The following AP2B1 variants were observed in gnomAD, a reference collection of about 807,000 sequenced individuals.
The protein encoded by AP2B1 is AP-2 complex subunit beta.
In AP2B1, 23 loss-of-function variants were observed where a neutral mutation model predicts 102.0. The ratio of observed to expected loss-of-function variants is 0.23; its 90% CI spans 0.16 to 0.32. The LOEUF (loss-of-function observed/expected upper bound fraction) is 0.32. Among genes scored for constraint, AP2B1 ranks in the 10% least tolerant of loss-of-function variants. AP2B1 has a pLI of 1.00. For synonymous variants in AP2B1, 381 were observed against 421.2 expected (o/e 0.90, Z 1.17); for missense variants, 541 against 1,157.4 (o/e 0.47, Z 7.73).
chr17:35,655,977 A>G (rs1324348480), intron 13 of AP2B1, among the ~76,000 whole-genome samples: 1 of 152,184 alleles, frequency 6.6e-6, no homozygotes, highest in Admixed American at 6.5e-5. Flanking sequence ...ATTTGTAGGA[A>G]TTCCTTATAT....
At chr17:35,640,324 C>T (rs2074742657) in intron 11 of AP2B1, among the ~76,000 whole-genome samples, 1 of 151,334 alleles carries the variant, frequency 6.6e-6, no homozygotes, top group South Asian at 2.1e-4. Flanking sequence ...GCAACCTCTG[C>T]CTCCTAGGTT....
chr17:35,717,653 G>A (rs1354275110), intron 21 of AP2B1, among the ~76,000 whole-genome samples: 1 of 152,128 alleles, frequency 6.6e-6, no homozygotes, highest in Non-Finnish European at 1.5e-5. Flanking sequence ...TACATATCTA[G>A]TGTATCTGTG....
At chr17:35,672,348 A>G (rs17670614) in intron 16 of AP2B1, among the ~76,000 whole-genome samples, 12,002 of 152,148 alleles carry the variant, frequency 0.079, 525 homozygotes, top group Middle Eastern at 0.11. Flanking sequence ...TAGAGTTCCA[A>G]TTTAGGTTTG....
chr17:35,605,936 A>G, intron 4 of AP2B1, 96 bp downstream of exon 4: 1 of 1,520,264 alleles, frequency 6.6e-7, no homozygotes, highest in South Asian at 1.3e-5. Flanking sequence ...GGCAATGACT[A>G]GGAATGTTCA....
At chr17:35,588,282 C>G (rs552257179) in intron 1 of AP2B1, among the ~76,000 whole-genome samples, 40 of 152,108 alleles carry the variant, frequency 2.6e-4, no homozygotes, top group African/African-American at 9.2e-4. Context: ...GCGGATGCTT[C>G]ATTAAACTTT....
Position 35,657,640 on chromosome 17 carries a change from C to G in AP2B1, c.1838C>G (p.Thr613Arg). 3 of 1,614,022 alleles carry G rather than the reference C, an allele frequency of 1.9e-6. No individual in the cohort carries two copies. The highest frequency in any genetic ancestry group is 2.5e-6 in the Non-Finnish European group (3 of 1,179,908). The part of the protein sequence containing the change: ...GDSPVGTTTA[T>R]NLEQPQVIPS... ...AGCCCTGTTGGCACTACCACTGCAA[C>G]GAACCTGGAACAGCCTCAGGTTATC... Residue 613 changes from threonine to arginine, a missense_variant, in exon 14 of 22, where the codon ACG becomes AGG. Physicochemically the swap from Thr to Arg is moderately conservative, Grantham distance 71. Coordinates refer to ENST00000610402, the MANE Select transcript of AP2B1 (RefSeq NM_001030006.2).
rs184590333 is a variant in AP2B1 at position 35,626,695 on chromosome 17, T to C, written c.791T>C (p.Met264Thr). 6.2e-7 allele frequency: 1 copy of C among 1,613,926 alleles called. No individual in the cohort carries two copies. The highest frequency in any genetic ancestry group is 8.5e-7 in the Non-Finnish European group (1 of 1,179,970). ...AVVLSAVKVL[M>T]KFLELLPKDS... is the part of the protein sequence containing the mutation. ...GTGCTTTCAGCGGTAAAAGTCCTAA[T>C]GAAGTTTCTAGAATTGTTACCTAAG... The change falls in exon 7 of 22, where the codon ATG becomes ACG. Residue 264 changes from methionine (M) to threonine (T), a missense_variant. By Grantham distance (81) the Met-to-Thr change is moderately conservative. Coordinates refer to ENST00000610402, the MANE Select transcript of AP2B1 (RefSeq NM_001030006.2).
At chr17:35,614,884 C>G (rs1036896395) in intron 5 of AP2B1, among the ~76,000 whole-genome samples, 5 of 152,052 alleles carry the variant, frequency 3.3e-5, no homozygotes, top group African/African-American at 9.7e-5. Flanking sequence ...CTAGCCAGCA[C>G]GTAGACACAG....
chr17:35,644,203 G>C (rs761350893), intron 12 of AP2B1, among the ~76,000 whole-genome samples: 37 of 152,134 alleles, frequency 2.4e-4, no homozygotes, highest in Non-Finnish European at 2.9e-4. Context: ...TCTTGCCCAT[G>C]GTCTTGTCCA....
At chr17:35,655,032 T>G (rs1241999308) in intron 13 of AP2B1, among the ~76,000 whole-genome samples, 1 of 152,164 alleles carries the variant, frequency 6.6e-6, no homozygotes, top group Non-Finnish European at 1.5e-5. Context: ...AGCATACCTG[T>G]GTTGGATTAA....
chr17:35,641,576 A>ATAG (rs981390534), intron 11 of AP2B1, among the ~76,000 whole-genome samples: 49 of 152,256 alleles, frequency 3.2e-4, no homozygotes, highest in African/African-American at 1.2e-3. Context: ...CAAAATAATA[A>ATAG]TAGTAATAAT....
At chr17:35,598,667 A>T (rs1444707048) in intron 3 of AP2B1, among the ~76,000 whole-genome samples, 1 of 152,246 alleles carries the variant, frequency 6.6e-6, no homozygotes, top group African/African-American at 2.4e-5. Flanking sequence ...AAATACACTG[A>T]GAAGCATAAG....
At chr17:35,650,925 A>G in intron 13 of AP2B1, 136 bp downstream of exon 13, 2 of 1,014,048 alleles carry the variant, frequency 2.0e-6, no homozygotes, top group Non-Finnish European at 2.9e-6. Flanking sequence ...CTGGAAAAGA[A>G]CTGCTGTACA....
intron 17 of AP2B1, among the ~76,000 whole-genome samples, chr17:35,680,876 G>A (rs866376069): frequency 6.6e-6 from 1 of 151,628 alleles, no homozygotes; most frequent in Admixed American, 6.6e-5. Flanking sequence ...TGTATTTTTA[G>A]TAGAAATGTT....
chr17:35,628,040 G>C (rs1421241511), intron 9 of AP2B1, among the ~76,000 whole-genome samples: 1 of 152,072 alleles, frequency 6.6e-6, no homozygotes, highest in East Asian at 1.9e-4. Context: ...AAAAGAAAAA[G>C]GATGGTTTTG....
At chr17:35,710,056 G>A (rs1170512224) in intron 19 of AP2B1, among the ~76,000 whole-genome samples, 178 bp from the exon 20 acceptor site, 8 of 152,182 alleles carry the variant, frequency 5.3e-5, no homozygotes, top group African/African-American at 1.4e-4. Context: ...TACTGATGAC[G>A]GATTAATTGA....
Position 35,639,734 on chromosome 17 carries a change from G to C in AP2B1, c.1411G>C (p.Glu471Gln). The C allele has an allele frequency of 6.2e-7, 1 of 1,614,004 alleles. No individual in the cohort carries two copies. The highest frequency in any genetic ancestry group is 8.5e-7 in the Non-Finnish European group (1 of 1,179,972). ...AGATGAGTTACTAGAAAGCTTCCTG[G>C]AGGGTTTTCACGATGAAAGCACCCA... is the stretch of plus-strand genomic sequence containing the variant. ...NADELLESFL[E>Q]GFHDESTQVQ... The change falls in exon 11 of 22, where the codon GAG (glutamate) becomes CAG (glutamine). Residue 471 changes from glutamate to glutamine, a missense_variant. Glu to Gln is a conservative substitution (Grantham distance 29). Coordinates refer to ENST00000610402, the MANE Select transcript of AP2B1 (RefSeq NM_001030006.2).
At chr17:35,615,705 T>C (rs1390025010) in intron 5 of AP2B1, among the ~76,000 whole-genome samples, 2 of 152,238 alleles carry the variant, frequency 1.3e-5, no homozygotes. Flanking sequence ...ATAAATGAAA[T>C]TTAAAATGTG....
intron 17 of AP2B1, among the ~76,000 whole-genome samples, chr17:35,674,863 A>C (rs1395512038): frequency 6.6e-6 from 1 of 152,226 alleles, no homozygotes; most frequent in Non-Finnish European, 1.5e-5. Flanking sequence ...CTTATTTACT[A>C]TCTTGGATTC....
Sources: allele counts gnomAD v4.1 joint callset (sites outside exome capture counted in the v4.1 genomes callset), GRCh38; gene constraint gnomAD v4.1.1; transcripts MANE v1.5; gene names NCBI Gene and HGNC (gene_info 2026-07-23, HGNC 2026-07-21).